Variants in NT5C1A observed in about 807,000 individuals in gnomAD.
The protein encoded by NT5C1A is 5'-nucleotidase, cytosolic IA.
In NT5C1A, 18 loss-of-function variants were observed where a neutral mutation model predicts 31.0. The observed-to-expected ratio is 0.58, with a 90% confidence interval of 0.40 to 0.86. The LOEUF (loss-of-function observed/expected upper bound fraction) is 0.86. Among genes scored for constraint, NT5C1A ranks in the 40% least tolerant of loss-of-function variants. NT5C1A has a pLI of 0.00. For synonymous variants in NT5C1A, 185 were observed against 203.6 expected (o/e 0.91, Z 0.78); for missense variants, 470 against 505.4 (o/e 0.93, Z 0.67).
At position 39,657,354 on chromosome 1, in the gene NT5C1A, C is replaced by T. The variant is rs1305416350; in HGVS notation, c.*1767G>A. On this transcript the variant is annotated 3_prime_UTR_variant, in exon 6 of 6. Coordinates refer to ENST00000235628, the MANE Select transcript of NT5C1A (RefSeq NM_032526.3). ...ACACTGCACAGAACCTGTGCCCTTTCAGACCCTGAGCTGAGTCCCCAGAAG... is the reference window on the plus strand; with the variant it reads ...ACACTGCACAGAACCTGTGCCCTTTTAGACCCTGAGCTGAGTCCCCAGAAG... Among the ~76,000 whole-genome samples the T allele has an allele frequency of 1.3e-5, 2 of 152,248 alleles. No homozygotes were observed. The highest frequency in any genetic ancestry group is 2.9e-5 in the Non-Finnish European group (2 of 68,044).
chr1:39,665,927 C>G (rs1346335207), intron 2 of NT5C1A, 142 bp downstream of exon 2: 2 of 815,766 alleles, frequency 2.5e-6, no homozygotes, highest in East Asian at 5.4e-5. Context: ...CCAAAAGACT[C>G]TGTCACCTAG....
chr1:39,665,746 C>T (rs1646518218), intron 2 of NT5C1A, 96 bp from the exon 3 acceptor site: 2 of 1,288,216 alleles, frequency 1.6e-6, no homozygotes, highest in Non-Finnish European at 2.2e-6. Flanking sequence ...AGGAGCCATG[C>T]TTGGGATGAG....
intron 1 of NT5C1A, among the ~76,000 whole-genome samples, chr1:39,667,367 G>A (rs1160906828): frequency 6.6e-6 from 1 of 152,002 alleles, no homozygotes; most frequent in African/African-American, 2.4e-5. Context: ...CCAGACAGCA[G>A]CTGGACCTTT....
Position 39,653,957 on chromosome 1 carries a change from C to T in NT5C1A, c.*5164G>A, listed in dbSNP as rs1410327527. On this transcript the variant is annotated 3_prime_UTR_variant, in exon 6 of 6. Transcript: ENST00000235628. The stretch of plus-strand genomic sequence containing the variant: ...GGCAAAATAGGTTTCATCTTTCACA[C>T]CAGCTCCAGCCCGCTGGTAGTGGCT... Among the ~76,000 whole-genome samples the T allele has an allele frequency of 6.6e-6, 1 of 152,198 alleles. No homozygotes were observed. The highest frequency in any genetic ancestry group is 1.5e-5 in the Non-Finnish European group (1 of 68,036).
intron 2 of NT5C1A, 61 bp downstream of exon 2, chr1:39,666,008 G>T: frequency 1.3e-6 from 2 of 1,492,062 alleles, no homozygotes; most frequent in African/African-American, 2.7e-5. Context: ...ACTCATGGGA[G>T]TGCTTTTTTC....
In NT5C1A at chr1:39,666,129, G is replaced by A. The variant is rs1646520492; in HGVS notation, c.243C>T (p.Arg81=). 3 of 1,613,550 alleles carry A rather than the reference G, an allele frequency of 1.9e-6. No homozygotes were observed. The highest frequency in any genetic ancestry group is 1.1e-5 in the South Asian group (1 of 91,086). Residue 81 remains arginine (R), a synonymous_variant, in exon 2 of 6, where the codon CGC becomes CGT. Transcript: ENST00000235628. Reference sequence around the variant, plus strand: ...GTTCGTTCTCATGTTCCAGCTGGTAGCGCACGTACTCCTCCACGCCCTGCT... The same window carrying A: ...GTTCGTTCTCATGTTCCAGCTGGTAACGCACGTACTCCTCCACGCCCTGCT... ...YTEQGVEEYV[R]YQLEHENEPF... is the part of the protein sequence containing the mutation.
chr1:39,667,685 C>T (rs1445664820), intron 1 of NT5C1A, among the ~76,000 whole-genome samples: 2 of 152,126 alleles, frequency 1.3e-5, no homozygotes, highest in East Asian at 3.9e-4. Context: ...CAGGAAACAA[C>T]ACAAGTGTGA....
In NT5C1A at chr1:39,663,404, C is replaced by G; in HGVS notation, c.464G>C (p.Gly155Ala). Residue 155 changes from glycine (G) to alanine (A), a missense_variant, in exon 4 of 6, where the codon GGT becomes GCT. By Grantham distance (60) the Gly-to-Ala change is moderately conservative. Coordinates refer to ENST00000235628, the MANE Select transcript of NT5C1A (RefSeq NM_032526.3). ...DLFIERFCMT[G>A]GNSPICYLKA... ...GAGGTAGCAGATCGGGCTGTTCCCA[C>G]CTGTCATGCAGAACCTCTCGATGAA... 1 of 1,614,100 alleles carries G rather than the reference C, an allele frequency of 6.2e-7. No individual in the cohort carries two copies. The highest frequency in any genetic ancestry group is 8.5e-7 in the Non-Finnish European group (1 of 1,180,032).
intron 2 of NT5C1A, 127 bp from the exon 3 acceptor site, chr1:39,665,777 T>C (rs1646518335): frequency 4.2e-6 from 4 of 962,816 alleles, no homozygotes; most frequent in African/African-American, 3.3e-5. Flanking sequence ...ATGAACTACC[T>C]TCTCCTAATG....
rs1391478648 is a variant in NT5C1A, at chr1:39,654,791, G to T, written c.*4330C>A. Among the ~76,000 whole-genome samples, 1 of 152,314 alleles carries T rather than the reference G, an allele frequency of 6.6e-6. No individual in the cohort carries two copies. Among genetic ancestry groups the T allele is most frequent in the Admixed American group, 6.5e-5 (1 of 15,302 alleles). On this transcript the variant is annotated 3_prime_UTR_variant, in exon 6 of 6. Coordinates refer to ENST00000235628, the MANE Select transcript of NT5C1A (RefSeq NM_032526.3). ...CCAGGCTGTCTGCCTTGGCCCAGGGGTCCGCACATTTTTCTGTAAAGGGCC... is the reference window on the plus strand; with the variant it reads ...CCAGGCTGTCTGCCTTGGCCCAGGGTTCCGCACATTTTTCTGTAAAGGGCC...
At chr1:39,665,995 A>C in intron 2 of NT5C1A, 74 bp downstream of exon 2, 3 of 1,420,962 alleles carry the variant, frequency 2.1e-6, no homozygotes, top group Admixed American at 1.9e-5. Flanking sequence ...ACCTTACTCA[A>C]ATACTCATGG....
intron 5 of NT5C1A, among the ~76,000 whole-genome samples, chr1:39,659,741 T>C (rs1472503874): frequency 1.3e-5 from 2 of 152,220 alleles, no homozygotes; most frequent in Non-Finnish European, 2.9e-5. Flanking sequence ...CATCCATCCA[T>C]ATGCCCATCA....
intron 1 of NT5C1A, among the ~76,000 whole-genome samples, chr1:39,666,591 T>C (rs1420999298): frequency 6.6e-6 from 1 of 152,178 alleles, no homozygotes; most frequent in African/African-American, 2.4e-5. Context: ...TGGTTTCCAT[T>C]GTAAAATAAG....
chr1:39,665,771 A>G, intron 2 of NT5C1A, 121 bp from the exon 3 acceptor site: 2 of 1,005,344 alleles, frequency 2.0e-6, no homozygotes, highest in East Asian at 2.4e-5. Flanking sequence ...GTGCACATGA[A>G]CTACCTTCTC....
At chr1:39,660,810 C>CTCTGA (rs1646489227) in intron 5 of NT5C1A, among the ~76,000 whole-genome samples, 1 of 151,792 alleles carries the variant, frequency 6.6e-6, no homozygotes, top group African/African-American at 2.4e-5. Flanking sequence ...ATTTGAGCTG[C>CTCTGA]AGAGGGGGGA....
At chr1:39,671,862 A>G (rs1314903040) in intron 1 of NT5C1A, 42 bp downstream of exon 1, 1 of 1,609,640 alleles carries the variant, frequency 6.2e-7, no homozygotes. Context: ...CCTCCGGGGT[A>G]ACCCTTCCCC....
Position 39,671,629 on chromosome 1 carries a change from G to T in NT5C1A, c.135+275C>A, listed in dbSNP as rs561849935. On this transcript the variant is annotated intron_variant, in intron 1 of 5. Transcript: ENST00000235628. The stretch of plus-strand genomic sequence containing the variant: ...ATCCGCGCTCCCCGGCGGCCCGAGT[G>T]GGGAGGGGCTGGGGCTGCGGGCCTC... Among the ~76,000 whole-genome samples, 16 of 152,364 alleles carry T rather than the reference G, an allele frequency of 1.1e-4. No individual in the cohort carries two copies. The South Asian group carries it at 2.7e-3, about 26-fold the overall frequency.
rs936338119 is a variant in NT5C1A at position 39,670,030 on chromosome 1, C to A, written c.135+1874G>T. Among the ~76,000 whole-genome samples, 6 of 151,970 alleles carry A rather than the reference C, an allele frequency of 3.9e-5. 1 individual carries two copies. Among genetic ancestry groups the A allele is most frequent in the Admixed American group, 3.3e-4 (5 of 15,264 alleles). On this transcript the variant is annotated intron_variant, in intron 1 of 5. Coordinates refer to ENST00000235628, the MANE Select transcript of NT5C1A (RefSeq NM_032526.3). The stretch of plus-strand genomic sequence containing the variant: ...ATTCAATATGTAAGCCAGATATTAC[C>A]ATATATCTCATACCATATGGTACCA...
Position 39,659,006 on chromosome 1 carries a change from A to C in NT5C1A, c.*115T>G. 1 of 1,363,200 alleles carries C rather than the reference A, an allele frequency of 7.3e-7. No individual in the cohort carries two copies. Among genetic ancestry groups the C allele is most frequent in the Non-Finnish European group, 9.9e-7 (1 of 1,009,614 alleles). The allele number at this position is 1,363,200 out of a possible 1,614,324, so 84.4% of individuals were successfully genotyped here. On this transcript the variant is annotated 3_prime_UTR_variant, in exon 6 of 6. Coordinates refer to ENST00000235628, the MANE Select transcript of NT5C1A (RefSeq NM_032526.3). The stretch of plus-strand genomic sequence containing the variant: ...TACAAGTACATCACTCATAGGGATG[A>C]GGGCAGACAGGCAGAAGGACAGAAC...
Sources: allele counts gnomAD v4.1 joint callset (sites outside exome capture counted in the v4.1 genomes callset), GRCh38; gene constraint gnomAD v4.1.1; transcripts MANE v1.5; gene names NCBI Gene and HGNC (gene_info 2026-07-23, HGNC 2026-07-21).